The following CHD1L variants were observed in gnomAD, a reference collection of about 807,000 sequenced individuals.
CHD1L encodes ATP-dependent chromatin remodeler CHD1L.
CHD1L carries 118 observed loss-of-function variants against 115.9 expected under a neutral mutation model. That is an observed-to-expected ratio of 1.02 (90% CI 0.88 to 1.19). CHD1L has a LOEUF of 1.19. Ranked by LOEUF, CHD1L falls within the 50% of genes most tolerant of loss-of-function variation. The probability of loss-of-function intolerance (pLI) is 0.00; values close to 1 mark genes in which losing one functional copy is unlikely to be tolerated. For missense variants in CHD1L, 1,179 were observed against 1,065.3 expected, an observed-to-expected ratio of 1.11 and a Z score of -1.49; for synonymous variants, 411 against 387.1, an observed-to-expected ratio of 1.06 and a Z score of -0.72.
At chr1:147,283,459 G>T (rs1553963233) in intron 15 of CHD1L, among the ~76,000 whole-genome samples, 1 of 152,114 alleles carries the variant, frequency 6.6e-6, no homozygotes, top group Non-Finnish European at 1.5e-5. Flanking sequence ...AGTCTTGGCT[G>T]GTCCTGACTT....
intron 1 of CHD1L, among the ~76,000 whole-genome samples, chr1:147,243,516 C>T (rs1665558248): frequency 6.6e-6 from 1 of 152,124 alleles, no homozygotes; most frequent in African/African-American, 2.4e-5. Context: ...AAGCGCGAAC[C>T]TTGCATGCCC....
At chr1:147,285,203 G>A in intron 16 of CHD1L, 121 bp from the exon 17 acceptor site, 2 of 1,121,900 alleles carry the variant, frequency 1.8e-6, no homozygotes, top group Non-Finnish European at 2.6e-6. Context: ...TGCAGGGTGT[G>A]TGGAGATGCA....
Position 147,254,905 on chromosome 1 carries a change from A to C in CHD1L, c.276A>C (p.Leu92Phe). The change falls in exon 3 of 23, where the codon TTA (leucine) becomes TTC (phenylalanine). Residue 92 changes from leucine (L) to phenylalanine (F), a missense_variant. Transcript: ENST00000369258. ...TCTTCATTTATTTGGCAGGAAGATT[A>C]AATGATGAAGGGCCATTTCTGATTC... Reference protein sequence around the residue: ...IALFIYLAGRLNDEGPFLILC... With the variant: ...IALFIYLAGRFNDEGPFLILC... 3 of 1,608,312 alleles carry C rather than the reference A, an allele frequency of 1.9e-6. No individual in the cohort carries two copies. Among genetic ancestry groups the C allele is most frequent in the Non-Finnish European group, 2.5e-6 (3 of 1,178,360 alleles).
At chr1:147,182,980 A>G in the CHD1L span, among the ~76,000 whole-genome samples, 17 of 152,130 alleles carry the variant, frequency 1.1e-4, no homozygotes, top group Non-Finnish European at 2.4e-4. Context: ...TGGGTGGATC[A>G]TGAGGTCAGG....
chr1:147,187,017 G>A, the CHD1L span: 1 of 1,614,184 alleles, frequency 6.2e-7, no homozygotes, highest in Non-Finnish European at 8.5e-7. Flanking sequence ...GAGGCTTCCT[G>A]ATGCGATCAT....
chr1:147,184,761 G>A, the CHD1L span: 7 of 1,149,826 alleles, frequency 6.1e-6, no homozygotes, highest in Non-Finnish European at 7.9e-6. The surrounding 1 kb of genome is among the most constrained non-coding windows in gnomAD (Gnocchi z 4.4). Context: ...AGCCGAGATA[G>A]TGTTTATCAG....
At chr1:147,232,952 G>T in the CHD1L span, among the ~76,000 whole-genome samples, 1 of 152,052 alleles carries the variant, frequency 6.6e-6, no homozygotes, top group African/African-American at 2.4e-5. Flanking sequence ...ATCTCTGCCT[G>T]GCCACCCATC....
At chr1:147,243,359 A>T (rs1401908394) in intron 1 of CHD1L, among the ~76,000 whole-genome samples, 1 of 152,126 alleles carries the variant, frequency 6.6e-6, no homozygotes, top group East Asian at 1.9e-4. Context: ...GACAAACTCA[A>T]GCAAAGCACT....
Position 147,276,195 on chromosome 1 carries a change from A to G in CHD1L, c.1477A>G (p.Ile493Val). The G allele has an allele frequency of 6.2e-7, 1 of 1,614,162 alleles. No individual in the cohort carries two copies. Among genetic ancestry groups the G allele is most frequent in the South Asian group, 1.1e-5 (1 of 91,078 alleles). The change falls in exon 14 of 23, where the codon ATC (isoleucine) becomes GTC (valine). Residue 493 changes from isoleucine to valine, a missense_variant. Coordinates refer to ENST00000369258, the MANE Select transcript of CHD1L (RefSeq NM_004284.6). ...AASKLQLTNM[I>V]IEGGHFTLGA... ...CTCCAAACTGCAGCTCACCAACATG[A>G]TCATAGAAGGAGGCCATTTTACTCT...
chr1:147,218,296 C>T, the CHD1L span, among the ~76,000 whole-genome samples: 77 of 151,054 alleles, frequency 5.1e-4, no homozygotes, highest in East Asian at 0.014. Flanking sequence ...AGTGCAGTAG[C>T]ACGATCTCAG....
the CHD1L span, among the ~76,000 whole-genome samples, chr1:147,196,719 C>T: frequency 6.6e-6 from 1 of 151,898 alleles, no homozygotes; most frequent in African/African-American, 2.4e-5. Flanking sequence ...ATTAGCTTTA[C>T]CATATTTCTT....
At chr1:147,262,848 CAAG>C (rs1360571272) in intron 6 of CHD1L, among the ~76,000 whole-genome samples, 1 of 151,746 alleles carries the variant, frequency 6.6e-6, no homozygotes, top group African/African-American at 2.4e-5. Flanking sequence ...TATAGAAAGA[CAAG>C]AAGAAAAGGA....
intron 18 of CHD1L, 132 bp downstream of exon 18, chr1:147,286,632 A>T (rs1683244047): frequency 5.2e-6 from 4 of 762,034 alleles, no homozygotes; most frequent in South Asian, 1.8e-5. Flanking sequence ...TGTGAATTTT[A>T]GAGTCAGGAG....
chr1:147,242,638 C>A (rs868983660), upstream of CHD1L: 1 of 1,245,652 alleles, frequency 8.0e-7, no homozygotes. Flanking sequence ...CGCGCGCCCC[C>A]GCGCGTTGGG....
At chr1:147,295,215 A>G (rs1214090443) in intron 22 of CHD1L, among the ~76,000 whole-genome samples, 1 of 152,220 alleles carries the variant, frequency 6.6e-6, no homozygotes, top group Non-Finnish European at 1.5e-5. Context: ...GCCAGCTTTT[A>G]TGTGCTTGCA....
In CHD1L at chr1:147,268,862, G is replaced by GCATT; in HGVS notation, c.1071_1074dup (p.Leu359IlefsTer34). 1 of 1,613,070 alleles carries GCATT rather than the reference G, an allele frequency of 6.2e-7. No homozygotes were observed. The highest frequency in any genetic ancestry group is 1.1e-5 in the South Asian group (1 of 91,034). ...GCTTCACCTGCTGGATAAGCTACTA[G>GCATT]CATTCCTGTATTCTGGGTAGGTGGT... is the stretch of plus-strand genomic sequence containing the variant. On this transcript the variant is annotated frameshift_variant, in exon 10 of 23. Coordinates refer to ENST00000369258, the MANE Select transcript of CHD1L (RefSeq NM_004284.6). LOFTEE classifies it high-confidence loss of function.
At chr1:147,198,179 A>G in the CHD1L span, among the ~76,000 whole-genome samples, 1 of 152,214 alleles carries the variant, frequency 6.6e-6, no homozygotes, top group South Asian at 2.1e-4. Flanking sequence ...AAGGTAGCCC[A>G]TAAGCTGAGA....
chr1:147,186,857 G>C, the CHD1L span: 1 of 1,574,890 alleles, frequency 6.3e-7, no homozygotes, highest in Admixed American at 1.8e-5. Context: ...GGCATCTGTA[G>C]ATAAGCTTCC....
chr1:147,250,813 G>A (rs976584290), intron 1 of CHD1L, among the ~76,000 whole-genome samples: 28 of 151,644 alleles, frequency 1.8e-4, no homozygotes, highest in African/African-American at 6.8e-4. Flanking sequence ...AGGGGTGGGG[G>A]TGGTATGGTT....
Sources: gnomAD v4.1 joint callset for allele counts (sites outside exome capture counted in the v4.1 genomes callset) on GRCh38, gnomAD v4.1.1 for gene constraint, Gnocchi (gnomAD v3.1) non-coding constraint, MANE v1.5 for transcripts, NCBI Gene and HGNC (gene_info 2026-07-23, HGNC 2026-07-21) for gene names.